Variants in ECPAS observed in about 807,000 individuals in gnomAD.
The protein encoded by ECPAS is Ecm29 proteasome adaptor and scaffold.
Under a neutral mutation model 255.1 loss-of-function variants are expected in ECPAS, and 70 were observed. That is an observed-to-expected ratio of 0.27 (90% confidence interval 0.23 to 0.33). ECPAS has a LOEUF of 0.33. Among genes scored for constraint, ECPAS ranks in the 10% least tolerant of loss-of-function variants. The pLI, the probability that ECPAS is intolerant of heterozygous loss-of-function variation, is 1.00. For synonymous variants in ECPAS, 784 were observed against 775.0 expected (o/e 1.01, Z -0.19); for missense variants, 1,817 against 2,206.4 (o/e 0.82, Z 3.54).
At chr9:111,408,940 G>A (rs1047565637) in intron 23 of ECPAS, among the ~76,000 whole-genome samples, 3 of 152,250 alleles carry the variant, frequency 2.0e-5, no homozygotes, top group South Asian at 2.1e-4. Flanking sequence ...AAACTATAAC[G>A]ATTTAAAATG....
chr9:111,377,603 T>C (rs1180876660), intron 36 of ECPAS, among the ~76,000 whole-genome samples: 1 of 152,220 alleles, frequency 6.6e-6, no homozygotes, highest in Non-Finnish European at 1.5e-5. Flanking sequence ...AGACACGATA[T>C]ACTGTTAATT....
intron 2 of ECPAS, among the ~76,000 whole-genome samples, chr9:111,464,350 G>A (rs1037379972): frequency 5.9e-5 from 9 of 151,576 alleles, no homozygotes; most frequent in East Asian, 3.9e-4. Context: ...AGGCTGAGGT[G>A]GGAGAATCCC....
intron 37 of ECPAS, 57 bp downstream of exon 37, chr9:111,376,419 A>G: frequency 2.2e-6 from 3 of 1,370,758 alleles, no homozygotes; most frequent in Non-Finnish European, 3.1e-6. Flanking sequence ...AAGACTTTGA[A>G]GAATTACACT....
chr9:111,389,703 A>G lies in ECPAS; in HGVS notation c.3300T>C (p.Asn1100=). The G allele has an allele frequency of 6.2e-7, 1 of 1,612,238 alleles. No individual in the cohort carries two copies. Among genetic ancestry groups the G allele is most frequent in the Non-Finnish European group, 8.5e-7 (1 of 1,179,228 alleles). The change falls in exon 31 of 50, where the codon AAT becomes AAC. Residue 1100 remains asparagine (N), a synonymous_variant. Coordinates refer to ENST00000684092, the MANE Select transcript of ECPAS (RefSeq NM_001364929.1). The part of the protein sequence containing the change: ...NSRKGAAFGF[N]VIATRAGEQL... ...GCTCTCCAGCTCTGGTAGCAATTAC[A>G]TTAAAACCAAAAGCAGCACCCTAAA...
In ECPAS at chr9:111,422,182, G is replaced by A; in HGVS notation, c.1284C>T (p.Phe428=). 6.2e-7 allele frequency: 1 copy of A among 1,613,526 alleles called. No individual in the cohort carries two copies. Among genetic ancestry groups the A allele is most frequent in the Non-Finnish European group, 8.5e-7 (1 of 1,179,652 alleles). Residue 428 remains phenylalanine, a synonymous_variant, in exon 14 of 50, where the codon TTC becomes TTT. Coordinates refer to ENST00000684092, the MANE Select transcript of ECPAS (RefSeq NM_001364929.1). ...GKLSSRMPHL[F]TKDIALVQQL... ...GCTGCACAAGCGCTATATCCTTAGTGAATAAATGTGGCATCCGACTGCAAA... is the reference window on the plus strand; with the variant it reads ...GCTGCACAAGCGCTATATCCTTAGTAAATAAATGTGGCATCCGACTGCAAA...
At chr9:111,444,086 CA>C (rs1472435481) in intron 4 of ECPAS, among the ~76,000 whole-genome samples, 3 of 152,058 alleles carry the variant, frequency 2.0e-5, no homozygotes, top group African/African-American at 7.2e-5. Context: ...AGTCTCCTAC[CA>C]AAAATCAAAT....
At chr9:111,403,113 G>GA (rs1268701553) in intron 24 of ECPAS, among the ~76,000 whole-genome samples, 3 of 151,782 alleles carry the variant, frequency 2.0e-5, no homozygotes, top group Admixed American at 1.3e-4. Context: ...AACACTTTGG[G>GA]AGGCCACAGT....
intron 5 of ECPAS, among the ~76,000 whole-genome samples, 195 bp downstream of exon 5, chr9:111,442,111 G>A (rs1202618675): frequency 6.6e-6 from 1 of 152,144 alleles, no homozygotes; most frequent in African/African-American, 2.4e-5. Flanking sequence ...ATTTTTCAAT[G>A]TTCACATCAA....
rs564649245 is a variant in ECPAS at position 111,442,468 on chromosome 9, CTA to C, written c.271-46_271-45del. ...AGCAAGTGAGTGTGAAGGAAATACT[CTA>C]TGATTTCAATGAAAATATATGATTG... is the stretch of plus-strand genomic sequence containing the variant. On this transcript the variant is annotated intron_variant, in intron 4 of 49. Transcript: ENST00000684092. The C allele has an allele frequency of 1.2e-4, 130 of 1,103,690 alleles. 1 individual carries two copies. The South Asian group carries it at 1.7e-3, about 14-fold the overall frequency. 68.4% of individuals were successfully genotyped at this position (1,103,690 alleles called of 1,614,324 possible).
intron 25 of ECPAS, 26 bp downstream of exon 25, chr9:111,397,004 A>G: frequency 6.2e-7 from 1 of 1,613,270 alleles, no homozygotes; most frequent in South Asian, 1.1e-5. Flanking sequence ...TGATCATTAT[A>G]AATCGATTAG....
chr9:111,394,350 A>G (rs757301512), intron 25 of ECPAS, 45 bp from the exon 26 acceptor site: 9 of 1,442,184 alleles, frequency 6.2e-6, no homozygotes, highest in Non-Finnish European at 8.3e-6. Context: ...AAATAACTCA[A>G]CATAGTTTCC....
chr9:111,441,601 GAATTT>G (rs1461157065), intron 5 of ECPAS, among the ~76,000 whole-genome samples: 3 of 152,148 alleles, frequency 2.0e-5, no homozygotes, highest in African/African-American at 7.2e-5. Context: ...TCCACTGCAT[GAATTT>G]AAGTAACAGG....
chr9:111,475,672 G>A (rs868546208), intron 1 of ECPAS, among the ~76,000 whole-genome samples: 11 of 151,288 alleles, frequency 7.3e-5, no homozygotes, highest in African/African-American at 2.7e-4. Context: ...GGAGGCAGAG[G>A]TTGCAATGAG....
intron 35 of ECPAS, among the ~76,000 whole-genome samples, chr9:111,382,097 C>T (rs1478270866): frequency 2.0e-5 from 3 of 151,886 alleles, no homozygotes; most frequent in Non-Finnish European, 2.9e-5. Flanking sequence ...CATCACATCA[C>T]CATGCACTGG....
At position 111,451,540 on chromosome 9, in the gene ECPAS, A is replaced by C; in HGVS notation, c.38T>G (p.Val13Gly). The change falls in exon 3 of 50, where the codon GTC (valine) becomes GGC (glycine). Residue 13 changes from valine (V) to glycine (G), a missense_variant. Transcript: ENST00000684092. ...HIDCRDQLER[V>G]FLRLGHAETD... ...TTCAGCATGGCCAAGTCGTAAAAAG[A>C]CCCGTTCAAGCTGATCTATAATATA... 6.4e-7 allele frequency: 1 copy of C among 1,574,396 alleles called. No individual in the cohort carries two copies. The highest frequency in any genetic ancestry group is 8.6e-7 in the Non-Finnish European group (1 of 1,160,780).
chr9:111,448,199 G>A (rs1322729102), intron 3 of ECPAS, among the ~76,000 whole-genome samples: 2 of 151,886 alleles, frequency 1.3e-5, no homozygotes, highest in Non-Finnish European at 2.9e-5. Context: ...TTTAAAAATA[G>A]GTTAATAATC....
intron 30 of ECPAS, 96 bp downstream of exon 30, chr9:111,389,888 A>C (rs556261841): frequency 8.9e-7 from 1 of 1,127,274 alleles, no homozygotes; most frequent in African/African-American, 1.6e-5. Context: ...ACAGACTTTC[A>C]CAAAATGCAC....
At chr9:111,368,473 T>C (rs2098123378) in intron 46 of ECPAS, among the ~76,000 whole-genome samples, 1 of 152,188 alleles carries the variant, frequency 6.6e-6, no homozygotes, top group Admixed American at 6.5e-5. Context: ...GCATAAAATG[T>C]ATCATGGTTA....
chr9:111,366,343 A>C lies in ECPAS; in HGVS notation c.5220-16T>G. Reference sequence around the variant, plus strand: ...AAGCATTAACCTATACAAATCAGAAAGCAAGGTACAAATGCCAATTATTAA... The same window carrying C: ...AAGCATTAACCTATACAAATCAGAACGCAAGGTACAAATGCCAATTATTAA... On this transcript the variant is annotated splice_polypyrimidine_tract_variant and intron_variant, in intron 47 of 49. Transcript: ENST00000684092. 6.5e-7 allele frequency: 1 copy of C among 1,546,514 alleles called. No homozygotes were observed. The highest frequency in any genetic ancestry group is 8.8e-7 in the Non-Finnish European group (1 of 1,138,836).
Sources: allele counts gnomAD v4.1 joint callset (sites outside exome capture counted in the v4.1 genomes callset), GRCh38; gene constraint gnomAD v4.1.1; transcripts MANE v1.5; gene names NCBI Gene and HGNC (gene_info 2026-07-23, HGNC 2026-07-21).